MICAL3: variants seen among roughly 807,000 people sequenced by gnomAD.
MICAL3 encodes microtubule associated monooxygenase, calponin and LIM domain containing 3, also known as [F-actin]-monooxygenase MICAL3.
A neutral mutation model predicts 207.4 loss-of-function variants in MICAL3; 62 were observed. That is an observed-to-expected ratio of 0.30 (90% CI 0.24 to 0.37). MICAL3 has a LOEUF of 0.37. Among genes scored for constraint, MICAL3 ranks in the 10% least tolerant of loss-of-function variants. MICAL3 has a pLI of 1.00. For synonymous variants in MICAL3, 1,077 were observed against 1,069.3 expected (o/e 1.01, Z -0.14); for missense variants, 2,368 against 2,635.6 (o/e 0.90, Z 2.22).
chr22:17,931,412 G>C (rs1933258331), intron 1 of MICAL3, among the ~76,000 whole-genome samples: 1 of 152,194 alleles, frequency 6.6e-6, no homozygotes. Flanking sequence ...CACATACTAA[G>C]GAAGAACCAC....
chr22:17,849,686 G>T (rs997863129), intron 19 of MICAL3, among the ~76,000 whole-genome samples: 22 of 56,162 alleles, frequency 3.9e-4, no homozygotes, highest in Admixed American at 1.1e-3. Flanking sequence ...GTGTGTGTGT[G>T]TATTTTTTTT....
At chr22:17,833,616 A>G (rs1206983064) in intron 20 of MICAL3, among the ~76,000 whole-genome samples, 2 of 152,190 alleles carry the variant, frequency 1.3e-5, no homozygotes, top group East Asian at 1.9e-4. Flanking sequence ...AGTAACCTAG[A>G]CACGCCTGGG....
intron 1 of MICAL3, among the ~76,000 whole-genome samples, chr22:17,921,810 C>T (rs1332415231): frequency 6.6e-6 from 1 of 152,038 alleles, no homozygotes; most frequent in African/African-American, 2.4e-5. Flanking sequence ...AATCTAAACT[C>T]GCTCCAATAC....
intron 1 of MICAL3, among the ~76,000 whole-genome samples, chr22:17,944,579 G>A (rs911339205): frequency 7.9e-5 from 12 of 152,168 alleles, no homozygotes; most frequent in African/African-American, 2.9e-4. Context: ...GCAAAGTTTC[G>A]GTGTGCAGGC....
chr22:17,833,506 C>T (rs988314563), intron 20 of MICAL3, among the ~76,000 whole-genome samples: 9 of 152,232 alleles, frequency 5.9e-5, no homozygotes, highest in Admixed American at 4.6e-4. Flanking sequence ...AAATACACCA[C>T]GATGAGCACT....
chr22:17,971,011 G>A (rs748964301), intron 1 of MICAL3, among the ~76,000 whole-genome samples: 6 of 151,576 alleles, frequency 4.0e-5, no homozygotes, highest in Non-Finnish European at 8.8e-5. Context: ...GCAAAACCCC[G>A]CCTCTGCCAA....
chr22:17,863,262 C>T (rs150904409), intron 19 of MICAL3: 10 of 985,302 alleles, frequency 1.0e-5, no homozygotes, highest in Non-Finnish European at 1.2e-5. Context: ...TACTCCAAAC[C>T]GAAATGGAAA....
In MICAL3 at chr22:17,863,054, C is replaced by A. The variant is rs1200365740; in HGVS notation, c.2605+1845G>T. 3.0e-6 allele frequency: 3 copies of A among 985,336 alleles called. No homozygotes were observed. The African/African-American group carries it at 5.2e-5, about 17-fold the overall frequency. The allele number at this position is 985,336 out of a possible 1,614,324, so 61.0% of individuals were successfully genotyped here. Reference sequence around the variant, plus strand: ...ACTGCCAACCCTCATCCTCTCTCCCCACTATGTAGAACATTCTTCCTCTTA... The same window carrying A: ...ACTGCCAACCCTCATCCTCTCTCCCAACTATGTAGAACATTCTTCCTCTTA... On this transcript the variant is annotated intron_variant, in intron 19 of 31. Coordinates refer to ENST00000441493, the MANE Select transcript of MICAL3 (RefSeq NM_015241.3).
intron 28 of MICAL3, 84 bp from the exon 29 acceptor site, chr22:17,809,021 AAC>A: frequency 8.1e-7 from 1 of 1,238,016 alleles, no homozygotes; most frequent in Non-Finnish European, 1.1e-6. Flanking sequence ...CACGAGGGGA[AAC>A]ACAGGAGTTG....
chr22:17,934,157 A>C (rs1387585361), intron 1 of MICAL3, among the ~76,000 whole-genome samples: 2 of 152,216 alleles, frequency 1.3e-5, no homozygotes, highest in Non-Finnish European at 2.9e-5. Context: ...ACAACAACAA[A>C]AAAGAATTTT....
intron 11 of MICAL3, 74 bp from the exon 12 acceptor site, chr22:17,891,706 A>G (rs1930404712): frequency 6.9e-7 from 1 of 1,441,490 alleles, no homozygotes; most frequent in Admixed American, 1.9e-5. Context: ...TCTTTGTAGG[A>G]CACATGTCCC....
chr22:17,953,612 G>C (rs1934455264), intron 1 of MICAL3, among the ~76,000 whole-genome samples: 1 of 152,096 alleles, frequency 6.6e-6, no homozygotes, highest in African/African-American at 2.4e-5. Flanking sequence ...CAACAGACAA[G>C]AAACTCCTTG....
chr22:17,848,644 C>G (rs1002078272), intron 19 of MICAL3, among the ~76,000 whole-genome samples: 1 of 152,196 alleles, frequency 6.6e-6, no homozygotes, highest in Non-Finnish European at 1.5e-5. Context: ...GGGTCACTAC[C>G]TGCCTCGGGG....
intron 1 of MICAL3, among the ~76,000 whole-genome samples, chr22:18,015,422 CT>C (rs34098867): frequency 0.23 from 24,485 of 104,576 alleles, 1,551 homozygotes; most frequent in East Asian, 0.33. Flanking sequence ...TAAGACTCAT[CT>C]TTTTTTTTTT....
chr22:17,993,051 C>T (rs1345219148), intron 1 of MICAL3, among the ~76,000 whole-genome samples: 2 of 152,230 alleles, frequency 1.3e-5, no homozygotes, highest in Middle Eastern at 3.4e-3. Context: ...TTTTTCCTAC[C>T]CATGCAAGGG....
chr22:17,928,367 A>G (rs1192193170), intron 1 of MICAL3, among the ~76,000 whole-genome samples: 1 of 151,834 alleles, frequency 6.6e-6, no homozygotes, highest in Non-Finnish European at 1.5e-5. Flanking sequence ...TGAACCCGGG[A>G]GGCGGAGCTT....
chr22:18,018,261 A>G (rs1924199388), intron 1 of MICAL3, among the ~76,000 whole-genome samples: 1 of 152,208 alleles, frequency 6.6e-6, no homozygotes, highest in African/African-American at 2.4e-5. Flanking sequence ...AATATATTGA[A>G]TTCTATTTTT....
At chr22:17,937,389 C>T (rs761427455) in intron 1 of MICAL3, among the ~76,000 whole-genome samples, 4 of 152,176 alleles carry the variant, frequency 2.6e-5, no homozygotes, top group South Asian at 4.1e-4. Flanking sequence ...ATGGGCCGGG[C>T]GTGGTGGCTC....
rs1302585027 is a variant in MICAL3 at position 17,796,403 on chromosome 22, T to A, written c.5651-5102A>T. 6.6e-6 allele frequency among the ~76,000 whole-genome samples: 1 copy of A among 152,250 alleles called. No individual in the cohort carries two copies. The highest frequency in any genetic ancestry group is 2.4e-5 in the African/African-American group (1 of 41,468). ...CATGAGATGGGCACGGATGGCACTC[T>A]CCGGCTTCAGGGCGCCCTCGCATGC... On this transcript the variant is annotated intron_variant, in intron 29 of 31. Coordinates refer to ENST00000441493, the MANE Select transcript of MICAL3 (RefSeq NM_015241.3). The surrounding 1 kb of genome is among the most constrained non-coding windows in gnomAD (Gnocchi z 4.4).
Sources: gnomAD v4.1 joint callset for allele counts (sites outside exome capture counted in the v4.1 genomes callset) on GRCh38, gnomAD v4.1.1 for gene constraint, Gnocchi (gnomAD v3.1) non-coding constraint, MANE v1.5 for transcripts, NCBI Gene and HGNC (gene_info 2026-07-23, HGNC 2026-07-21) for gene names.